VILL: variants seen among roughly 807,000 people sequenced by gnomAD.
The protein encoded by VILL is villin like.
In VILL, 102 loss-of-function variants were observed where a neutral mutation model predicts 106.3. That is an observed-to-expected ratio of 0.96 (90% CI 0.82 to 1.13). The LOEUF (loss-of-function observed/expected upper bound fraction) is 1.13, where lower values mean the gene tolerates loss of function less well. VILL is among the 50% of genes most tolerant of loss of function. The probability of loss-of-function intolerance (pLI) is 0.00; values close to 1 mark genes in which losing one functional copy is unlikely to be tolerated. For missense variants in VILL, 1,076 were observed against 1,116.6 expected, an observed-to-expected ratio of 0.96 and a Z score of 0.52; for synonymous variants, 431 against 440.3, an observed-to-expected ratio of 0.98 and a Z score of 0.27.
chr3:37,994,859 C>CCCTGACGGGAT (rs1699673253), intron 4 of VILL, among the ~76,000 whole-genome samples: 3 of 152,268 alleles, frequency 2.0e-5, no homozygotes, highest in Non-Finnish European at 4.4e-5. Flanking sequence ...AAATGGTCTT[C>CCCTGACGGGAT]CCTGACGGGA....
At chr3:38,003,121 G>A (rs370191189) in intron 14 of VILL, 47 bp from the exon 15 acceptor site, 58 of 1,601,912 alleles carry the variant, frequency 3.6e-5, no homozygotes, top group Non-Finnish European at 4.9e-5. Flanking sequence ...GGCCGGAGGT[G>A]AAGGCCCCTC....
At chr3:37,990,547 C>G (rs1699596087), upstream of VILL, among the ~76,000 whole-genome samples, 1 of 152,362 alleles carries the variant, frequency 6.6e-6, no homozygotes. This position sits in a 1 kb window ranked among gnomAD's most constrained non-coding sequence, Gnocchi z 5.1. Context: ...CCTCCATCCC[C>G]TGCTCTCTCT....
rs1699759089 is a variant in VILL, at chr3:37,998,990, A to C, written c.1021A>C (p.Lys341Gln). The part of the protein sequence containing the change: ...VNDGAESAAF[K>Q]QLFRTWSEKR... Reference sequence around the variant, plus strand: ...CGACGGCGCCGAGTCGGCCGCGTTCAAGCAGCTCTTCCGGACTTGGTCTGA... The same window carrying C: ...CGACGGCGCCGAGTCGGCCGCGTTCCAGCAGCTCTTCCGGACTTGGTCTGA... Residue 341 changes from lysine (K) to glutamine (Q), a missense_variant, in exon 10 of 20, where the codon AAG becomes CAG. By Grantham distance (53) the Lys-to-Gln change is moderately conservative. Transcript: ENST00000383759. The surrounding 1 kb of genome is among the most constrained non-coding windows in gnomAD (Gnocchi z 4.1). 1.2e-6 allele frequency: 2 copies of C among 1,609,818 alleles called. No individual in the cohort carries two copies. The highest frequency in any genetic ancestry group is 1.7e-6 in the Non-Finnish European group (2 of 1,178,316).
chr3:37,989,278 G>A (rs759168800), upstream of VILL, among the ~76,000 whole-genome samples: 5 of 152,214 alleles, frequency 3.3e-5, no homozygotes, highest in African/African-American at 7.2e-5. Context: ...GAGACCAAAC[G>A]TGCTGGGAGA....
chr3:38,004,505 TG>T (rs1222433081), intron 16 of VILL, 106 bp downstream of exon 16: 1 of 1,433,090 alleles, frequency 7.0e-7, no homozygotes, highest in African/African-American at 1.4e-5. Flanking sequence ...CACAGGGCTG[TG>T]GGTGAGTCTG....
rs755545198 is a variant in VILL, at chr3:37,999,329, C to G, written c.1082-10C>G. The G allele has an allele frequency of 6.6e-7, 1 of 1,508,388 alleles. No individual in the cohort carries two copies. The highest frequency in any genetic ancestry group is 2.3e-5 in the Admixed American group (1 of 43,294). 93.4% of individuals were successfully genotyped at this position (1,508,388 alleles called of 1,614,324 possible). On this transcript the variant is annotated splice_polypyrimidine_tract_variant and intron_variant, in intron 10 of 19. Transcript: ENST00000383759. ...GAGGGCGCCACTGACGCCTACTGTC[C>G]CCCCTTCAGATAAATCGATTCATGT...
chr3:37,988,699 C>G (rs369108238), upstream of VILL, among the ~76,000 whole-genome samples: 1 of 152,226 alleles, frequency 6.6e-6, no homozygotes, highest in African/African-American at 2.4e-5. Context: ...CCCGTCTCTA[C>G]CAAAAATACA....
chr3:37,997,695 C>T lies in VILL; in HGVS notation c.764+10C>T. The T allele has an allele frequency of 7.1e-7, 1 of 1,411,354 alleles. No homozygotes were observed. The highest frequency in any genetic ancestry group is 9.8e-7 in the Non-Finnish European group (1 of 1,024,186). The allele number at this position is 1,411,354 out of a possible 1,614,324, so 87.4% of individuals were successfully genotyped here. On this transcript the variant is annotated intron_variant, in intron 7 of 19. Coordinates refer to ENST00000383759, the MANE Select transcript of VILL (RefSeq NM_015873.4). This position sits in a 1 kb window ranked among gnomAD's most constrained non-coding sequence, Gnocchi z 4.7. Reference sequence around the variant, plus strand: ...ATGTTCGCCTGTACCAGTGAGTACCCCTGGGGTGGGCAGGGGTGGGTGGGA... The same window carrying T: ...ATGTTCGCCTGTACCAGTGAGTACCTCTGGGGTGGGCAGGGGTGGGTGGGA...
chr3:38,001,878 A>T lies in VILL; in HGVS notation c.1479+18A>T. 1 of 1,613,926 alleles carries T rather than the reference A, an allele frequency of 6.2e-7. No individual in the cohort carries two copies. Reference sequence around the variant, plus strand: ...TCTTCCAGGTAGGTCTCACCTTGCCACTCTGGCCACAGCCTGCCCAGTTCT... The same window carrying T: ...TCTTCCAGGTAGGTCTCACCTTGCCTCTCTGGCCACAGCCTGCCCAGTTCT... On this transcript the variant is annotated intron_variant, in intron 13 of 19. Coordinates refer to ENST00000383759, the MANE Select transcript of VILL (RefSeq NM_015873.4).
chr3:37,993,420 G>GA (rs1041377377), intron 1 of VILL, 167 bp from the exon 2 acceptor site: 9 of 511,904 alleles, frequency 1.8e-5, no homozygotes, highest in African/African-American at 1.2e-4. Flanking sequence ...ACCCTGTCTC[G>GA]AAAAAACTGG....
chr3:37,989,975 A>G (rs1439958150), upstream of VILL, among the ~76,000 whole-genome samples: 4 of 152,152 alleles, frequency 2.6e-5, no homozygotes, highest in African/African-American at 9.7e-5. Flanking sequence ...TGGGGTGAAG[A>G]CTGAACACAG....
Position 37,997,030 on chromosome 3 carries a change from C to T in VILL, c.451-47C>T, listed in dbSNP as rs374424690. Reference sequence around the variant, plus strand: ...ACATCCCAGCTATGCTCCCCTCTAGCGGATGCTGGTGGTATGACACTCTGT... The same window carrying T: ...ACATCCCAGCTATGCTCCCCTCTAGTGGATGCTGGTGGTATGACACTCTGT... On this transcript the variant is annotated intron_variant, in intron 5 of 19. Transcript: ENST00000383759. The surrounding 1 kb of genome is among the most constrained non-coding windows in gnomAD (Gnocchi z 4.7). The T allele has an allele frequency of 1.4e-5, 21 of 1,552,602 alleles. No homozygotes were observed. The African/African-American group carries it at 1.4e-4, about 10-fold the overall frequency.
Position 38,005,836 on chromosome 3 carries a change from G to C in VILL, c.1995G>C (p.Ala665=). 6.2e-7 allele frequency: 1 copy of C among 1,613,758 alleles called. No homozygotes were observed. Among genetic ancestry groups the C allele is most frequent in the Non-Finnish European group, 8.5e-7 (1 of 1,179,846 alleles). Residue 665 remains alanine, a synonymous_variant, in exon 17 of 20, where the codon GCG becomes GCC. Coordinates refer to ENST00000383759, the MANE Select transcript of VILL (RefSeq NM_015873.4). Reference sequence around the variant, plus strand: ...AAGCTGCAAGTGAGTGGAAGGAGGCGGTGGCCTGGGGCCAGGAGTACCTGA... The same window carrying C: ...AAGCTGCAAGTGAGTGGAAGGAGGCCGTGGCCTGGGGCCAGGAGTACCTGA... ...LGEAASEWKE[A]VAWGQEYLKT... is the part of the protein sequence containing the mutation.
intron 15 of VILL, 131 bp downstream of exon 15, chr3:38,003,444 TCA>T: frequency 1.7e-6 from 2 of 1,210,700 alleles, no homozygotes; most frequent in Non-Finnish European, 2.2e-6. Context: ...AGTTTCCCAC[TCA>T]CAGAGGCTCC....
chr3:38,004,959 G>T (rs979989363), intron 16 of VILL, among the ~76,000 whole-genome samples: 1 of 152,124 alleles, frequency 6.6e-6, no homozygotes, highest in African/African-American at 2.4e-5. Flanking sequence ...GTGTTTCTGC[G>T]CACAGTGGTA....
In VILL at chr3:37,998,241, T is replaced by A. The variant is rs552171691; in HGVS notation, c.844-25T>A. On this transcript the variant is annotated intron_variant, in intron 8 of 19. Coordinates refer to ENST00000383759, the MANE Select transcript of VILL (RefSeq NM_015873.4). This position sits in a 1 kb window ranked among gnomAD's most constrained non-coding sequence, Gnocchi z 4.1. The stretch of plus-strand genomic sequence containing the variant: ...CCCCAGCCCAGTCTGGACCACCTAC[T>A]GACCAGCCCCACCCTTGCTCCCAGG... The A allele has an allele frequency of 1.2e-5, 19 of 1,614,014 alleles. No homozygotes were observed. The South Asian group carries it at 2.0e-4, about 17-fold the overall frequency.
rs1365525485 is a variant in VILL, at chr3:37,998,129, GGC to G, written c.806_807del (p.Ala269AspfsTer33). The G allele has an allele frequency of 6.2e-7, 1 of 1,613,580 alleles. No individual in the cohort carries two copies. The highest frequency in any genetic ancestry group is 1.7e-5 in the Admixed American group (1 of 59,946). ...GCAAAGACCTGGTGGTCCTGGAGTT[GGC>G]GACCCCCCCACTGACCCAGGACCTG... Reference protein sequence around the residue: ...KGKDLVVLELATPPLTQDLLQ... With the variant: ...KGKDLVVLELXTPPLTQDLLQ... On this transcript the variant is annotated frameshift_variant, in exon 8 of 20. Coordinates refer to ENST00000383759, the MANE Select transcript of VILL (RefSeq NM_015873.4). LOFTEE classifies it high-confidence loss of function. The surrounding 1 kb of genome is among the most constrained non-coding windows in gnomAD (Gnocchi z 4.1).
chr3:38,002,747 A>G (rs1559367306), intron 14 of VILL, 172 bp downstream of exon 14: 1 of 796,700 alleles, frequency 1.3e-6, no homozygotes, highest in Non-Finnish European at 1.9e-6. Flanking sequence ...GGAAAGTTAC[A>G]AAGTGACAGG....
intron 16 of VILL, among the ~76,000 whole-genome samples, chr3:38,005,363 T>TAA (rs1255695536): frequency 2.6e-5 from 4 of 152,208 alleles, no homozygotes; most frequent in African/African-American, 9.7e-5. Flanking sequence ...TCGGGGCTTT[T>TAA]ACACCGGTTG....
Sources: allele counts gnomAD v4.1 joint callset (sites outside exome capture counted in the v4.1 genomes callset), GRCh38; gene constraint gnomAD v4.1.1; non-coding constraint Gnocchi (gnomAD v3.1); transcripts MANE v1.5; gene names NCBI Gene and HGNC (gene_info 2026-07-23, HGNC 2026-07-21).